Variants in FBLN2 observed in about 807,000 individuals in gnomAD.
FBLN2 encodes fibulin 2, also known as fibulin-2.
In FBLN2, 81 loss-of-function variants were observed where a neutral mutation model predicts 123.7. The ratio of observed to expected loss-of-function variants is 0.65; its 90% CI spans 0.55 to 0.79. The LOEUF (loss-of-function observed/expected upper bound fraction) is 0.79. Ranked by LOEUF, FBLN2 falls within the 30% of genes least tolerant of loss-of-function variation. The pLI is 0.00. For synonymous variants in FBLN2, 699 were observed against 701.4 expected (o/e 1.00, Z 0.05); for missense variants, 1,603 against 1,681.3 (o/e 0.95, Z 0.81).
intron 2 of FBLN2, among the ~76,000 whole-genome samples, chr3:13,595,018 G>A (rs1032943545): frequency 6.6e-6 from 1 of 152,224 alleles, no homozygotes; most frequent in African/African-American, 2.4e-5. Flanking sequence ...CCGGCTGGGT[G>A]TGTGGTCTGG....
chr3:13,549,510 T>A (rs1239369276), intron 1 of FBLN2, among the ~76,000 whole-genome samples: 4 of 151,040 alleles, frequency 2.6e-5, no homozygotes, highest in Non-Finnish European at 5.9e-5. Context: ...CTTCCTCCGC[T>A]CTGGGTTTCA....
rs765626708 is a variant in FBLN2 at position 13,626,433 on chromosome 3, C to T, written c.2297-12C>T. ...GACTCTGCAGCCTCTGATGGCCTCG[C>T]TCTCCCTGCAGACATCAACGAGTGT... is the stretch of plus-strand genomic sequence containing the variant. On this transcript the variant is annotated splice_polypyrimidine_tract_variant and intron_variant, in intron 9 of 17. Coordinates refer to ENST00000404922, the MANE Select transcript of FBLN2 (RefSeq NM_001004019.2). 10 of 1,565,040 alleles carry T rather than the reference C, an allele frequency of 6.4e-6. No homozygotes were observed. In the East Asian group the frequency reaches 1.2e-4, roughly 18 times the overall value.
chr3:13,557,831 C>G (rs1336181682), intron 1 of FBLN2, among the ~76,000 whole-genome samples: 1 of 152,254 alleles, frequency 6.6e-6, no homozygotes, highest in Non-Finnish European at 1.5e-5. Flanking sequence ...CAGAGGGTCA[C>G]ATGCTCCGAG....
chr3:13,570,227 C>G, intron 1 of FBLN2, 88 bp from the exon 2 acceptor site: 1 of 1,391,094 alleles, frequency 7.2e-7, no homozygotes, highest in Admixed American at 2.9e-5. Context: ...GTGGCTGAGG[C>G]TGGGCCCCTG....
At chr3:13,562,317 G>T (rs1238732069) in intron 1 of FBLN2, among the ~76,000 whole-genome samples, 1 of 148,268 alleles carries the variant, frequency 6.7e-6, no homozygotes, top group African/African-American at 2.5e-5. Context: ...TGTGATTATT[G>T]TCCTTTATTT....
At chr3:13,585,662 A>G (rs1222403302) in intron 2 of FBLN2, among the ~76,000 whole-genome samples, 3 of 152,186 alleles carry the variant, frequency 2.0e-5, no homozygotes, top group South Asian at 2.1e-4. Context: ...GTGGTGGCTT[A>G]TGCCTGTAAT....
At chr3:13,575,092 A>G (rs897666384) in intron 2 of FBLN2, among the ~76,000 whole-genome samples, 13 of 152,218 alleles carry the variant, frequency 8.5e-5, no homozygotes, top group Non-Finnish European at 1.3e-4. Context: ...GTGACTAATC[A>G]TCGTCGCATT....
intron 1 of FBLN2, chr3:13,569,222 A>T: frequency 1.1e-5 from 2 of 180,214 alleles, no homozygotes; most frequent in Non-Finnish European, 2.1e-5. Flanking sequence ...CCCTTGGGGG[A>T]GTTCAGGCCT....
intron 11 of FBLN2, among the ~76,000 whole-genome samples, chr3:13,628,319 C>T (rs1472562742): frequency 6.6e-6 from 1 of 152,158 alleles, no homozygotes; most frequent in Non-Finnish European, 1.5e-5. Flanking sequence ...GCACAGACAT[C>T]TACACACATC....
rs201379020 is a variant in FBLN2, at chr3:13,626,483, C to T, written c.2335C>T (p.Arg779Trp). 56 of 1,579,058 alleles carry T rather than the reference C, an allele frequency of 3.5e-5. No homozygotes were observed. The highest frequency in any genetic ancestry group is 2.1e-4 in the East Asian group (9 of 42,858). ...ECVTDLHTCS[R>W]GEHCVNTLGS... ...TGTGACGGACCTGCACACGTGCAGC[C>T]GGGGCGAGCACTGTGTGAACACACT... The change falls in exon 10 of 18, where the codon CGG (arginine) becomes TGG (tryptophan). Residue 779 changes from arginine to tryptophan, a missense_variant. Physicochemically the swap from Arg to Trp is moderately radical, Grantham distance 101. Coordinates refer to ENST00000404922, the MANE Select transcript of FBLN2 (RefSeq NM_001004019.2).
intron 2 of FBLN2, among the ~76,000 whole-genome samples, chr3:13,576,306 C>T (rs573549921): frequency 1.3e-5 from 2 of 152,218 alleles, no homozygotes; most frequent in Non-Finnish European, 2.9e-5. Flanking sequence ...CTTCAGGAAG[C>T]CTTCCCAGAT....
At position 13,570,657 on chromosome 3, in the gene FBLN2, C is replaced by T. The variant is rs1703907317; in HGVS notation, c.302C>T (p.Pro101Leu). Residue 101 changes from proline (P) to leucine (L), a missense_variant, in exon 2 of 18, where the codon CCA becomes CTA. Transcript: ENST00000404922. ...TTCGGGAGCACTGAGTGCTCCTGCCCACCAGGCGGCGGCAAGATCAGCTGC... is the reference window on the plus strand; with the variant it reads ...TTCGGGAGCACTGAGTGCTCCTGCCTACCAGGCGGCGGCAAGATCAGCTGC... ...VDFGSTECSC[P>L]PGGGKISCQF... 4 of 1,583,648 alleles carry T rather than the reference C, an allele frequency of 2.5e-6. No homozygotes were observed. Among genetic ancestry groups the T allele is most frequent in the Non-Finnish European group, 3.4e-6 (4 of 1,166,192 alleles).
Position 13,636,437 on chromosome 3 carries a change from T to A in FBLN2, c.3215-8T>A. On this transcript the variant is annotated splice_polypyrimidine_tract_variant and splice_region_variant and intron_variant, in intron 16 of 17. Transcript: ENST00000404922. ...GGGGACCCTGCCATTGCCCCTCTTC[T>A]CCCCCAGACGTGGATGAGTGTGCAC... The A allele has an allele frequency of 6.2e-7, 1 of 1,612,866 alleles. No individual in the cohort carries two copies. Among genetic ancestry groups the A allele is most frequent in the Non-Finnish European group, 8.5e-7 (1 of 1,179,384 alleles).
intron 2 of FBLN2, among the ~76,000 whole-genome samples, chr3:13,603,627 A>G (rs1047657918): frequency 9.9e-5 from 15 of 152,110 alleles, no homozygotes; most frequent in Non-Finnish European, 2.1e-4. Context: ...TTCTTAATCC[A>G]GTCTATCATT....
intron 4 of FBLN2, among the ~76,000 whole-genome samples, chr3:13,613,578 C>T (rs1015176935): frequency 3.3e-5 from 5 of 152,152 alleles, no homozygotes; most frequent in Non-Finnish European, 7.3e-5. Context: ...GGAGCAAAAA[C>T]GATGTACTTG....
intron 2 of FBLN2, among the ~76,000 whole-genome samples, chr3:13,574,990 C>T (rs554689684): frequency 5.3e-5 from 8 of 152,336 alleles, no homozygotes; most frequent in Non-Finnish European, 8.8e-5. Context: ...GGCGAGGTTG[C>T]GTCTGCCTTG....
At chr3:13,569,199 G>A (rs1703841514) in intron 1 of FBLN2, 1 of 269,986 alleles carries the variant, frequency 3.7e-6, no homozygotes, top group Non-Finnish European at 5.6e-6. Flanking sequence ...TGCAAGATGA[G>A]AGGGGAGAAG....
At chr3:13,563,708 G>A (rs1369410521) in intron 1 of FBLN2, among the ~76,000 whole-genome samples, 1 of 152,256 alleles carries the variant, frequency 6.6e-6, no homozygotes, top group Non-Finnish European at 1.5e-5. Context: ...CGTTGGGTTG[G>A]ATTCTGATGC....
chr3:13,617,686 A>ACCATCCATCCATCCAT (rs574629860), intron 5 of FBLN2, among the ~76,000 whole-genome samples: 1 of 61,854 alleles, frequency 1.6e-5, no homozygotes, highest in African/African-American at 1.0e-4. Flanking sequence ...CATCCATCTA[A>ACCATCCATCCATCCAT]CCATCCATCC....
Sources: allele counts gnomAD v4.1 joint callset (sites outside exome capture counted in the v4.1 genomes callset), GRCh38; gene constraint gnomAD v4.1.1; transcripts MANE v1.5; gene names NCBI Gene and HGNC (gene_info 2026-07-23, HGNC 2026-07-21).